Variants in AFF3 observed in about 807,000 individuals in gnomAD.
The protein encoded by AFF3 is ALF transcription elongation factor 3.
AFF3 carries 32 observed loss-of-function variants against 129.7 expected under a neutral mutation model. That is an observed-to-expected ratio of 0.25 (90% CI 0.19 to 0.33). The LOEUF (loss-of-function observed/expected upper bound fraction) is 0.33, where lower values mean the gene tolerates loss of function less well. AFF3 is among the 10% of genes least tolerant of loss of function. The pLI is 1.00. For missense variants in AFF3, 1,373 were observed against 1,592.0 expected (o/e 0.86, Z 2.34); for synonymous variants, 644 against 635.4 (o/e 1.01, Z -0.20).
chr2:99,724,354 C>A (rs1214024481), intron 11 of AFF3, among the ~76,000 whole-genome samples: 1 of 131,914 alleles, frequency 7.6e-6, no homozygotes, highest in Non-Finnish European at 1.5e-5. Context: ...CTCACTGCAA[C>A]CTTCGCCTCC....
intron 8 of AFF3, among the ~76,000 whole-genome samples, chr2:99,767,403 T>C (rs1320409623): frequency 6.6e-5 from 10 of 152,344 alleles, no homozygotes; most frequent in African/African-American, 2.2e-4. Flanking sequence ...TGACATTATG[T>C]GTGGTTTAAA....
chr2:99,659,536 A>G (rs1686042654), intron 12 of AFF3, among the ~76,000 whole-genome samples: 1 of 152,152 alleles, frequency 6.6e-6, no homozygotes, highest in African/African-American at 2.4e-5. Flanking sequence ...TCTCACTAGA[A>G]TGGGCAGGTC....
intron 8 of AFF3, among the ~76,000 whole-genome samples, chr2:99,762,020 C>T (rs566147004): frequency 5.9e-5 from 9 of 152,232 alleles, no homozygotes; most frequent in Admixed American, 5.9e-4. Flanking sequence ...GTTATTCCAT[C>T]TCACTTACCT....
intron 4 of AFF3, among the ~76,000 whole-genome samples, chr2:100,080,018 C>T (rs893770184): frequency 6.6e-6 from 1 of 152,230 alleles, no homozygotes; most frequent in African/African-American, 2.4e-5. Context: ...CACAGCAGCA[C>T]TCCAGTGGCC....
intron 24 of AFF3, among the ~76,000 whole-genome samples, chr2:99,553,905 T>C (rs1457758642): frequency 4.4e-5 from 5 of 112,620 alleles, no homozygotes; most frequent in Admixed American, 1.1e-4. Flanking sequence ...CAGAGCAAGA[T>C]TCTGTCTCAA....
At chr2:99,932,797 CAG>C (rs1433420037) in intron 7 of AFF3, among the ~76,000 whole-genome samples, 2 of 152,200 alleles carry the variant, frequency 1.3e-5, no homozygotes, top group African/African-American at 4.8e-5. Context: ...TTAATGACTA[CAG>C]AGAGGTGGCA....
intron 7 of AFF3, among the ~76,000 whole-genome samples, chr2:99,879,731 A>G (rs1410195720): frequency 6.6e-6 from 1 of 152,176 alleles, no homozygotes; most frequent in Non-Finnish European, 1.5e-5. Context: ...GTGCCCAAGG[A>G]CCATATCTGT....
intron 7 of AFF3, among the ~76,000 whole-genome samples, chr2:99,925,426 C>T (rs1267153517): frequency 6.6e-6 from 1 of 152,098 alleles, no homozygotes; most frequent in Non-Finnish European, 1.5e-5. Flanking sequence ...AGATCATGAT[C>T]TAGGAATTTC....
At position 99,587,217 on chromosome 2, in the gene AFF3, G is replaced by T; in HGVS notation, c.2528C>A (p.Ser843Ter). The T allele has an allele frequency of 6.2e-7, 1 of 1,614,182 alleles. No homozygotes were observed. The highest frequency in any genetic ancestry group is 8.5e-7 in the Non-Finnish European group (1 of 1,180,020). The change falls in exon 16 of 25, where the codon TCA (serine) becomes TAA (stop). Residue 843 changes from serine (S) to a stop codon, truncating the protein, a stop_gained. Transcript: ENST00000672756. LOFTEE classifies it high-confidence loss of function. ...KKSQGEKDSS[S>*]RLATSTSNTL... is the part of the protein sequence containing the mutation. ...ATTACTGGTGGAGGTGGCCAGTCTT[G>T]AAGAGCTGTCTTTCTCTCCCTGGGA...
intron 15 of AFF3, among the ~76,000 whole-genome samples, chr2:99,588,332 AT>A (rs1188230491): frequency 3.9e-5 from 6 of 151,992 alleles, no homozygotes; most frequent in African/African-American, 1.4e-4. Flanking sequence ...GTGTGCCACC[AT>A]GCCTGGCTAA....
chr2:99,572,121 C>G (rs1676524905), intron 18 of AFF3, among the ~76,000 whole-genome samples: 1 of 151,998 alleles, frequency 6.6e-6, no homozygotes, highest in Non-Finnish European at 1.5e-5. Context: ...TAATTAAACA[C>G]CATAAATGGA....
intron 13 of AFF3, among the ~76,000 whole-genome samples, chr2:99,636,370 A>T (rs1003408685): frequency 6.6e-6 from 1 of 152,192 alleles, no homozygotes; most frequent in Non-Finnish European, 1.5e-5. Flanking sequence ...GGGGCCAGTG[A>T]GCAGGCTTAC....
At chr2:99,951,519 T>C (rs1398110281) in intron 7 of AFF3, among the ~76,000 whole-genome samples, 2 of 152,178 alleles carry the variant, frequency 1.3e-5, no homozygotes, top group African/African-American at 2.4e-5. Context: ...ACAACAATCT[T>C]ATTAGTGAAG....
chr2:99,596,173 A>G (rs1478775977), intron 14 of AFF3, among the ~76,000 whole-genome samples: 1 of 152,348 alleles, frequency 6.6e-6, no homozygotes, highest in African/African-American at 2.4e-5. Context: ...GTAGAAAGAC[A>G]GATGGTTTTT....
At chr2:100,030,637 T>C (rs946721974) in intron 4 of AFF3, among the ~76,000 whole-genome samples, 8 of 152,172 alleles carry the variant, frequency 5.3e-5, no homozygotes, top group Non-Finnish European at 7.4e-5. Context: ...AGATGAACCA[T>C]TGGTGGTATA....
intron 4 of AFF3, among the ~76,000 whole-genome samples, chr2:100,055,979 A>G (rs1334782740): frequency 6.6e-6 from 1 of 151,228 alleles, no homozygotes; most frequent in Non-Finnish European, 1.5e-5. Flanking sequence ...CAAGGTTACA[A>G]TGAGCTATGA....
At chr2:99,855,696 G>C (rs1690473739) in intron 7 of AFF3, among the ~76,000 whole-genome samples, 1 of 152,118 alleles carries the variant, frequency 6.6e-6, no homozygotes, top group Non-Finnish European at 1.5e-5. Flanking sequence ...AATTTACGTA[G>C]CTACTCTGCC....
chr2:99,575,324 A>G (rs1334676130), intron 18 of AFF3, among the ~76,000 whole-genome samples: 1 of 151,446 alleles, frequency 6.6e-6, no homozygotes, highest in African/African-American at 2.4e-5. Context: ...CAATGGCATG[A>G]TCTCGGCTCA....
At chr2:99,866,429 C>T (rs973574914) in intron 7 of AFF3, among the ~76,000 whole-genome samples, 2 of 152,182 alleles carry the variant, frequency 1.3e-5, no homozygotes, top group Non-Finnish European at 2.9e-5. Context: ...TCTGGGACGA[C>T]GCCTCTGCAG....
Sources: gnomAD v4.1 joint callset for allele counts (sites outside exome capture counted in the v4.1 genomes callset) on GRCh38, gnomAD v4.1.1 for gene constraint, MANE v1.5 for transcripts, NCBI Gene and HGNC (gene_info 2026-07-23, HGNC 2026-07-21) for gene names.